SNED1: variants seen among roughly 807,000 people sequenced by gnomAD.
SNED1 encodes sushi, nidogen and EGF-like domain-containing protein 1.
Under a neutral mutation model 166.7 loss-of-function variants are expected in SNED1, and 81 were observed. The observed-to-expected ratio is 0.49, with a 90% CI of 0.41 to 0.58. The LOEUF (loss-of-function observed/expected upper bound fraction) is 0.58. SNED1 is among the 20% of genes least tolerant of loss of function. The pLI, the probability that SNED1 is intolerant of heterozygous loss-of-function variation, is 0.00. For missense variants in SNED1, 1,604 were observed against 2,000.2 expected (o/e 0.80, Z 3.78); for synonymous variants, 762 against 822.0 (o/e 0.93, Z 1.25).
rs780430833 is a variant in SNED1, at chr2:241,065,368, C to T, written c.2783C>T (p.Pro928Leu). Residue 928 changes from proline (P) to leucine (L), a missense_variant, in exon 21 of 32, where the codon CCG (proline) becomes CTG (leucine). Around this residue, in one of 2 missense-constraint regions of SNED1, gnomAD observed 1,237 missense variants for 1,620.8 expected, o/e 0.76. Transcript: ENST00000310397. ...EESGVSISWN[P>L]PNGPAARQML... Reference sequence around the variant, plus strand: ...AGTGGGGTCTCTATCTCCTGGAACCCGCCCAATGGTCCAGCCGCCAGGCAG... The same window carrying T: ...AGTGGGGTCTCTATCTCCTGGAACCTGCCCAATGGTCCAGCCGCCAGGCAG... The T allele has an allele frequency of 9.3e-6, 15 of 1,613,102 alleles. No individual in the cohort carries two copies. Among genetic ancestry groups the T allele is most frequent in the East Asian group, 2.2e-5 (1 of 44,852 alleles).
intron 6 of SNED1, among the ~76,000 whole-genome samples, chr2:241,039,699 C>T (rs1281149304): frequency 2.6e-5 from 4 of 152,176 alleles, no homozygotes; most frequent in African/African-American, 7.2e-5. Context: ...CTTCCAGGCT[C>T]AGTCACAGCC....
At chr2:241,050,184 C>T in intron 12 of SNED1, 1 of 559,430 alleles carries the variant, frequency 1.8e-6, no homozygotes, top group South Asian at 2.3e-5. Flanking sequence ...TCATTGCCTG[C>T]TCAGCATTTT....
At chr2:241,052,926 G>C (rs1250681990) in intron 15 of SNED1, among the ~76,000 whole-genome samples, 8 of 152,128 alleles carry the variant, frequency 5.3e-5, no homozygotes, top group Admixed American at 5.2e-4. Flanking sequence ...CAAGTGGGGA[G>C]CGTGGGATTT....
chr2:241,094,312 T>C lies in SNED1; in HGVS notation c.*2676T>C, dbSNP rs2064242933. The C allele has an allele frequency of 2.1e-6, 1 of 469,942 alleles. No individual in the cohort carries two copies. Among genetic ancestry groups the C allele is most frequent in the Non-Finnish European group, 4.4e-6 (1 of 226,908 alleles). 29.1% of individuals were successfully genotyped at this position (469,942 alleles called of 1,614,324 possible). A position where few individuals can be genotyped will look rare whatever the true frequency, so the allele number is the denominator to read the frequency against. ...TCCCCTTAGCAGGAACTCCTTCCAC[T>C]GGCAAAGGACTGCCACTGCCATCTG... On this transcript the variant is annotated 3_prime_UTR_variant, in exon 32 of 32. Coordinates refer to ENST00000310397, the MANE Select transcript of SNED1 (RefSeq NM_001080437.3). The surrounding 1 kb of genome is among the most constrained non-coding windows in gnomAD (Gnocchi z 4.3).
intron 27 of SNED1, among the ~76,000 whole-genome samples, chr2:241,076,225 T>A (rs985611369): frequency 3.3e-5 from 5 of 152,224 alleles, no homozygotes; most frequent in Non-Finnish European, 7.3e-5. Context: ...ATTGACCATT[T>A]TTGTGAAAAT....
At chr2:241,045,807 G>T (rs2061630467) in intron 8 of SNED1, among the ~76,000 whole-genome samples, 1 of 151,616 alleles carries the variant, frequency 6.6e-6, no homozygotes, top group South Asian at 2.1e-4. Context: ...AGATAAATTA[G>T]ACTTCATCAA....
In SNED1 at chr2:240,999,011, GC is replaced by G; in HGVS notation, c.177del (p.Phe60SerfsTer13). Reference sequence around the variant, plus strand: ...GCTCGGGGCTGCGGCCGCTCTCGGTGCCCTTCCCGTTCTTCGGTGCCGAGCA... The same window carrying G: ...GCTCGGGGCTGCGGCCGCTCTCGGTGCCTTCCCGTTCTTCGGTGCCGAGCA... ...GGSGLRPLSV[P>X]FPFFGAEHSG... On this transcript the variant is annotated frameshift_variant, in exon 1 of 32. Transcript: ENST00000310397. LOFTEE classifies it high-confidence loss of function. The surrounding 1 kb of genome is among the most constrained non-coding windows in gnomAD (Gnocchi z 5.8). The G allele has an allele frequency of 7.5e-7, 1 of 1,326,542 alleles. No homozygotes were observed. The highest frequency in any genetic ancestry group is 1.8e-5 in the South Asian group (1 of 55,526). The allele number at this position is 1,326,542 out of a possible 1,614,324, so 82.2% of individuals were successfully genotyped here.
upstream of SNED1, among the ~76,000 whole-genome samples, chr2:240,998,076 G>A (rs1290711413): frequency 6.6e-6 from 1 of 152,268 alleles, no homozygotes; most frequent in African/African-American, 2.4e-5. Flanking sequence ...GAGGTCCCGA[G>A]CCTCCCAGGA....
At chr2:241,001,441 T>A (rs897324300) in intron 1 of SNED1, among the ~76,000 whole-genome samples, 1 of 152,248 alleles carries the variant, frequency 6.6e-6, no homozygotes, top group African/African-American at 2.4e-5. Flanking sequence ...CTTTCTCATG[T>A]CATAGTAGCT....
intron 21 of SNED1, among the ~76,000 whole-genome samples, chr2:241,066,862 A>G (rs2062474951): frequency 6.6e-6 from 1 of 152,158 alleles, no homozygotes; most frequent in African/African-American, 2.4e-5. Flanking sequence ...GCTTGAGCCC[A>G]CCCAGAGGCC....
intron 1 of SNED1, among the ~76,000 whole-genome samples, chr2:241,014,963 C>T (rs1181050207): frequency 3.9e-5 from 6 of 152,202 alleles, no homozygotes; most frequent in Non-Finnish European, 8.8e-5. Context: ...TTCCCGGGCT[C>T]TCCCTCCTGC....
Position 241,091,313 on chromosome 2 carries a change from G to T in SNED1, c.*2-325G>T, listed in dbSNP as rs921549456. ...GACCCAGAGTCGTTACCGGAAGGAGGAGGGCAGGGAAGAGGAACAGGCTGT... is the reference window on the plus strand; with the variant it reads ...GACCCAGAGTCGTTACCGGAAGGAGTAGGGCAGGGAAGAGGAACAGGCTGT... On this transcript the variant is annotated intron_variant, in intron 31 of 31. Coordinates refer to ENST00000310397, the MANE Select transcript of SNED1 (RefSeq NM_001080437.3). This position sits in a 1 kb window ranked among gnomAD's most constrained non-coding sequence, Gnocchi z 4.1. Among the ~76,000 whole-genome samples, 1 of 152,226 alleles carries T rather than the reference G, an allele frequency of 6.6e-6. No individual in the cohort carries two copies. The highest frequency in any genetic ancestry group is 2.4e-5 in the African/African-American group (1 of 41,464).
intron 16 of SNED1, among the ~76,000 whole-genome samples, chr2:241,059,476 A>G (rs1166599402): frequency 6.6e-6 from 1 of 152,222 alleles, no homozygotes; most frequent in Non-Finnish European, 1.5e-5. Context: ...AGACACAGAC[A>G]CTACAAAATT....
rs57902432 is a variant in SNED1, at chr2:241,057,380, A to AATATATATATATATAT, written c.2257+4071_2257+4086dup. Among the ~76,000 whole-genome samples, 886 of 117,878 alleles carry AATATATATATATATAT rather than the reference A, an allele frequency of 7.5e-3. 19 individuals carry two copies. The highest frequency in any genetic ancestry group is 0.023 in the African/African-American group (595 of 26,044). 77.3% of individuals were successfully genotyped at this position (117,878 alleles called of 152,430 possible). On this transcript the variant is annotated intron_variant, in intron 16 of 31. Transcript: ENST00000310397. Reference sequence around the variant, plus strand: ...GGCGACGAGCAAAACTCCATCTCAAAATATATATATATATATATATATATA... The same window carrying AATATATATATATATAT: ...GGCGACGAGCAAAACTCCATCTCAAAATATATATATATATATATATATATATATATATATATATATA...
chr2:241,012,985 G>A (rs1170258895), intron 1 of SNED1, among the ~76,000 whole-genome samples: 1 of 151,860 alleles, frequency 6.6e-6, no homozygotes, highest in Non-Finnish European at 1.5e-5. Flanking sequence ...ACAGGTGCCC[G>A]CCACCACGCC....
rs756267821 is a variant in SNED1 at position 241,036,857 on chromosome 2, C to T, written c.873C>T (p.Gly291=). ...AGTGCATCGACGACTGCGTCACGGG[C>T]AACCCCTCCTACACCTGCTCCTGCC... ...GGKCIDDCVT[G]NPSYTCSCLS... The change falls in exon 5 of 32, where the codon GGC becomes GGT. Residue 291 remains glycine (G), a synonymous_variant. Coordinates refer to ENST00000310397, the MANE Select transcript of SNED1 (RefSeq NM_001080437.3). 260 of 1,611,770 alleles carry T rather than the reference C, an allele frequency of 1.6e-4. No individual in the cohort carries two copies. The highest frequency in any genetic ancestry group is 2.5e-4 in the Admixed American group (15 of 60,008).
intron 1 of SNED1, among the ~76,000 whole-genome samples, chr2:241,014,357 T>G (rs775195067): frequency 9.9e-5 from 15 of 152,194 alleles, no homozygotes; most frequent in Non-Finnish European, 1.6e-4. Context: ...TGCACACAAG[T>G]CCACATTTGT....
chr2:241,064,019 C>T lies in SNED1; in HGVS notation c.2493C>T (p.Asp831=), dbSNP rs760387000. Residue 831 remains aspartate (D), a synonymous_variant, in exon 19 of 32, where the codon GAC becomes GAT. Transcript: ENST00000310397. This position sits in a 1 kb window ranked among gnomAD's most constrained non-coding sequence, Gnocchi z 7.0. The stretch of plus-strand genomic sequence containing the variant: ...TCTCTGGGTGTTCTCCAGAGGTGGA[C>T]GCCTGCGACTCCAGCCCCTGCCAGC... ...FVGVHCETEV[D]ACDSSPCQHG... The T allele has an allele frequency of 4.6e-5, 71 of 1,553,022 alleles. No homozygotes were observed. In the Middle Eastern group the frequency reaches 5.0e-4, roughly 11 times the overall value.
At chr2:241,006,004 G>A (rs1342850700) in intron 1 of SNED1, among the ~76,000 whole-genome samples, 1 of 151,944 alleles carries the variant, frequency 6.6e-6, no homozygotes, top group East Asian at 1.9e-4. Context: ...CCTCTCTTTT[G>A]AAGACTCAAA....
Sources: gnomAD v4.1 joint callset for allele counts (sites outside exome capture counted in the v4.1 genomes callset) on GRCh38, gnomAD v4.1.1 for gene constraint, gnomAD v4.1.1 regional missense constraint, Gnocchi (gnomAD v3.1) non-coding constraint, MANE v1.5 for transcripts, NCBI Gene and HGNC (gene_info 2026-07-23, HGNC 2026-07-21) for gene names.